Variants in GSE1 observed in about 807,000 individuals in gnomAD.
The protein encoded by GSE1 is Gse1 coiled-coil protein, also known as genetic suppressor element 1.
In GSE1, 32 loss-of-function variants were observed where a neutral mutation model predicts 112.6. The observed-to-expected ratio is 0.28, with a 90% confidence interval of 0.21 to 0.38. The LOEUF (loss-of-function observed/expected upper bound fraction) is 0.38. Ranked by LOEUF, GSE1 falls within the 10% of genes least tolerant of loss-of-function variation. The pLI is 1.00. For synonymous variants in GSE1, 1,115 were observed against 735.6 expected (o/e 1.52, Z -8.35); for missense variants, 2,348 against 1,699.2 (o/e 1.38, Z -6.71).
chr16:85,333,459 C>T (rs994185087), intron 1 of GSE1, among the ~76,000 whole-genome samples: 64 of 152,216 alleles, frequency 4.2e-4, no homozygotes, highest in Admixed American at 3.4e-3. Context: ...CCTCTGAGTG[C>T]GGCTGCAGCC....
intron 1 of GSE1, among the ~76,000 whole-genome samples, chr16:85,258,662 A>C (rs1039035759): frequency 1.3e-5 from 2 of 152,000 alleles, no homozygotes; most frequent in Non-Finnish European, 2.9e-5. Flanking sequence ...GAGGGTTGTC[A>C]AAGCGGTCGG....
intron 1 of GSE1, among the ~76,000 whole-genome samples, chr16:85,286,242 C>T (rs901163537): frequency 6.6e-6 from 1 of 152,240 alleles, no homozygotes; most frequent in East Asian, 1.9e-4. Context: ...TTTTCCAATA[C>T]GGGGTTCAGG....
At chr16:85,308,525 G>A (rs1273023368) in intron 1 of GSE1, among the ~76,000 whole-genome samples, 1 of 152,078 alleles carries the variant, frequency 6.6e-6, no homozygotes, top group Admixed American at 6.5e-5. Flanking sequence ...ACTCCTCGGG[G>A]ACTTCGAAAG....
chr16:85,669,553 C>T (rs963414654), intron 14 of GSE1, among the ~76,000 whole-genome samples: 2 of 152,350 alleles, frequency 1.3e-5, no homozygotes, highest in Admixed American at 6.5e-5. Flanking sequence ...CCACCCCCTA[C>T]ATGTTGCCAT....
At chr16:85,255,557 G>A (rs967189943) in intron 1 of GSE1, among the ~76,000 whole-genome samples, 24 of 152,050 alleles carry the variant, frequency 1.6e-4, no homozygotes, top group African/African-American at 4.1e-4. Context: ...GATTACAGGC[G>A]CCCACCACCA....
intron 2 of GSE1, among the ~76,000 whole-genome samples, chr16:85,525,496 G>T (rs544239508): frequency 1.1e-3 from 165 of 152,334 alleles, no homozygotes; most frequent in African/African-American, 3.8e-3. Context: ...CTCCTACCCT[G>T]CTCATGATGC....
At chr16:85,257,643 T>C (rs1907225345) in intron 1 of GSE1, among the ~76,000 whole-genome samples, 1 of 152,166 alleles carries the variant, frequency 6.6e-6, no homozygotes, top group South Asian at 2.1e-4. Context: ...GACCCCCGTT[T>C]CTACAAAAAA....
At chr16:85,556,049 C>T in exon 1 of GSE1, 1 of 984,822 alleles carries the variant, frequency 1.0e-6, no homozygotes, top group Non-Finnish European at 1.2e-6. Flanking sequence ...CGTCCTTGGT[C>T]GTCAATTACC....
intron 2 of GSE1, among the ~76,000 whole-genome samples, chr16:85,455,115 G>A (rs539636112): frequency 3.3e-5 from 5 of 152,304 alleles, no homozygotes; most frequent in African/African-American, 7.2e-5. Context: ...CCTGAGCAGC[G>A]CCCTGCGGCT....
At chr16:85,388,163 AGTGGGTGGATGG>A (rs1463097508) in intron 2 of GSE1, among the ~76,000 whole-genome samples, 2 of 103,722 alleles carry the variant, frequency 1.9e-5, no homozygotes, top group African/African-American at 3.9e-5. Flanking sequence ...TGAATGGGTG[AGTGGGTGGATGG>A]GTGGGTGGAT....
In GSE1 at chr16:85,675,607, G is replaced by A. The variant is rs558422956; in HGVS notation, c.*3068G>A. The A allele has an allele frequency of 6.6e-6, 1 of 152,348 alleles. No homozygotes were observed. Among genetic ancestry groups the A allele is most frequent in the South Asian group, 2.1e-4 (1 of 4,824 alleles). The allele number at this position is 152,348 out of a possible 1,614,324, so 9.4% of individuals were successfully genotyped here. On this transcript the variant is annotated 3_prime_UTR_variant, in exon 16 of 16. Coordinates refer to ENST00000253458, the MANE Select transcript of GSE1 (RefSeq NM_014615.5). ...AGGATTCTAACACAGGGAATCTGCA[G>A]TTTGTAGCAGAATGGTATTTTCCTC...
rs149441095 is a variant in GSE1, at chr16:85,655,816, G to C, written c.888G>C (p.Ala296=). 3 of 1,601,380 alleles carry C rather than the reference G, an allele frequency of 1.9e-6. No individual in the cohort carries two copies. Among genetic ancestry groups the C allele is most frequent in the Non-Finnish European group, 2.6e-6 (3 of 1,170,894 alleles). Residue 296 remains alanine, a synonymous_variant, in exon 6 of 16, where the codon GCG becomes GCC. Coordinates refer to ENST00000253458, the MANE Select transcript of GSE1 (RefSeq NM_014615.5). ...CCCTGCCCCCACTGCACCCATCAGC[G>C]ATGCACCTGCACCTCTCTGGGGTCC... ...PGSLPPLHPS[A]MHLHLSGVRY...
intron 2 of GSE1, among the ~76,000 whole-genome samples, chr16:85,636,911 G>C (rs1367886988): frequency 6.7e-6 from 1 of 150,350 alleles, no homozygotes; most frequent in Non-Finnish European, 1.5e-5. Context: ...GGACCCCCCA[G>C]CTCCCCTGTG....
chr16:85,291,949 CA>C (rs749212685), intron 1 of GSE1, among the ~76,000 whole-genome samples: 52 of 152,158 alleles, frequency 3.4e-4, no homozygotes, highest in Non-Finnish European at 5.3e-4. Flanking sequence ...AGAAATAAGG[CA>C]GCCCTGCCCT....
exon 1 of GSE1, chr16:85,556,168 T>A: frequency 1.0e-6 from 1 of 983,372 alleles, no homozygotes; most frequent in South Asian, 4.7e-5. Context: ...CTGATTTTTT[T>A]TTTTCGTCGC....
chr16:85,590,272 TTGTGTGAACA>T (rs946303069), intron 1 of GSE1, among the ~76,000 whole-genome samples: 1 of 137,486 alleles, frequency 7.3e-6, no homozygotes, highest in Non-Finnish European at 1.6e-5. Context: ...GAGTGTGAAC[TTGTGTGAACA>T]TGTGTGACTG....
intron 1 of GSE1, among the ~76,000 whole-genome samples, chr16:85,176,481 T>C (rs1423467315): frequency 3.3e-5 from 5 of 152,258 alleles, no homozygotes; most frequent in African/African-American, 7.2e-5. Context: ...GCTTCCCCAG[T>C]GTGGACCATC....
At position 85,181,376 on chromosome 16, in the gene GSE1, G is replaced by C. The variant is rs149356782; in HGVS notation, c.2283+9569G>C. Reference sequence around the variant, plus strand: ...GGTGCCAGCCGTCATTGGCAGGGCTGGGAGGTGTGGGAGAGTGGCCAGTCC... The same window carrying C: ...GGTGCCAGCCGTCATTGGCAGGGCTCGGAGGTGTGGGAGAGTGGCCAGTCC... On this transcript the variant is annotated intron_variant, in intron 1 of 2. Coordinates refer to the GSE1 transcript ENST00000637419. Among the ~76,000 whole-genome samples, 1,368 of 152,350 alleles carry C rather than the reference G, an allele frequency of 9.0e-3. 13 individuals carry two copies. The highest frequency in any genetic ancestry group is 0.021 in the South Asian group (102 of 4,830).
At chr16:85,383,547 C>G (rs2047613324) in intron 2 of GSE1, among the ~76,000 whole-genome samples, 2 of 49,114 alleles carry the variant, frequency 4.1e-5, no homozygotes, top group African/African-American at 1.4e-4. Context: ...CTCTCTCTCT[C>G]TCTCTCTCTC....
Sources: gnomAD v4.1 joint callset for allele counts (sites outside exome capture counted in the v4.1 genomes callset) on GRCh38, gnomAD v4.1.1 for gene constraint, MANE v1.5 for transcripts, NCBI Gene and HGNC (gene_info 2026-07-23, HGNC 2026-07-21) for gene names.